Variants in RNF17 observed in about 807,000 individuals in gnomAD.
RNF17 encodes spermatogenesis associated 23.
RNF17 carries 31 observed loss-of-function variants against 200.5 expected under a neutral mutation model. The ratio of observed to expected loss-of-function variants is 0.15; its 90% CI spans 0.12 to 0.21. The LOEUF is 0.21. RNF17 is among the 10% of genes least tolerant of loss of function. The probability of loss-of-function intolerance (pLI) is 1.00; values close to 1 mark genes in which losing one functional copy is unlikely to be tolerated. For missense variants in RNF17, 1,628 were observed against 1,905.1 expected, an observed-to-expected ratio of 0.85 and a Z score of 2.71; for synonymous variants, 606 against 637.8, an observed-to-expected ratio of 0.95 and a Z score of 0.75.
chr13:24,788,305 G>T (rs2121250), intron 7 of RNF17, 146 bp downstream of exon 7: 1 of 520,506 alleles, frequency 1.9e-6, no homozygotes, highest in Non-Finnish European at 3.2e-6. Context: ...ATATAGGTTA[G>T]GATAGTCTAA....
intron 28 of RNF17, among the ~76,000 whole-genome samples, chr13:24,863,168 G>A (rs576291216): frequency 2.0e-5 from 3 of 152,168 alleles, no homozygotes; most frequent in Admixed American, 6.5e-5. Context: ...ATCATGATCT[G>A]TGTCCTCAAA....
At position 24,778,177 on chromosome 13, in the gene RNF17, G is replaced by A. The variant is rs1037469959; in HGVS notation, c.318-118G>A. ...CTTGGGAGACTGAGGTGGGATGATC[G>A]CTGGAGCCTGGGAAGTCGAGGCTGC... On this transcript the variant is annotated intron_variant, in intron 3 of 35. Transcript: ENST00000255324. 1.3e-5 allele frequency: 8 copies of A among 629,064 alleles called. No individual in the cohort carries two copies. In the African/African-American group the frequency reaches 1.5e-4, roughly 12 times the overall value. 39.0% of individuals were successfully genotyped at this position (629,064 alleles called of 1,614,324 possible). A position where few individuals can be genotyped will look rare whatever the true frequency, so the allele number is the denominator to read the frequency against.
At chr13:24,884,249 T>TAAAG, downstream of RNF17, 1 of 1,614,130 alleles carries the variant, frequency 6.2e-7, no homozygotes, top group Non-Finnish European at 8.5e-7. Context: ...AGTAGATCTG[T>TAAAG]AAAGACACAC....
Position 24,851,570 on chromosome 13 carries a change from A to T in RNF17, c.3319A>T (p.Arg1107Ter). Residue 1107 changes from arginine to a stop codon, truncating the protein, a stop_gained and splice_region_variant, in exon 24 of 36, where the codon AGA (arginine) becomes TGA (stop). Transcript: ENST00000255324. LOFTEE classifies it high-confidence loss of function. ...IKKGLALRER[R>*]INNLDNSHSL... ...AAAGGGTTTGGCTTTGAGAGAAAGG[A>T]GGTATAGACTTTTTTAAAAAATTTT... is the stretch of plus-strand genomic sequence containing the variant. 1 of 1,594,974 alleles carries T rather than the reference A, an allele frequency of 6.3e-7. No homozygotes were observed. The highest frequency in any genetic ancestry group is 8.5e-7 in the Non-Finnish European group (1 of 1,171,294).
At chr13:24,802,322 C>A in intron 13 of RNF17, 59 bp from the exon 14 acceptor site, 2 of 1,433,014 alleles carry the variant, frequency 1.4e-6, no homozygotes, top group South Asian at 1.3e-5. Context: ...AAATCCAGAA[C>A]ATTGTAACAT....
At chr13:24,883,951 A>C (rs1474588378), downstream of RNF17, 1 of 1,613,936 alleles carries the variant, frequency 6.2e-7, no homozygotes, top group East Asian at 2.2e-5. Context: ...TGTGAACATA[A>C]TGTTGCCATA....
At chr13:24,788,183 A>G in intron 7 of RNF17, 24 bp downstream of exon 7, 1 of 1,540,078 alleles carries the variant, frequency 6.5e-7, no homozygotes, top group Non-Finnish European at 8.7e-7. Context: ...TCACAATGTG[A>G]GTTATTTCTG....
intron 1 of RNF17, among the ~76,000 whole-genome samples, chr13:24,764,557 A>C (rs945850053): frequency 2.6e-5 from 4 of 152,198 alleles, no homozygotes; most frequent in African/African-American, 9.6e-5. Flanking sequence ...CCAATTACCC[A>C]TCCAGGCCTC....
chr13:24,851,064 G>A (rs533967272), intron 23 of RNF17, among the ~76,000 whole-genome samples: 4 of 152,192 alleles, frequency 2.6e-5, no homozygotes, highest in Admixed American at 6.5e-5. Context: ...GCGCGATCTC[G>A]GCTCACCGCA....
Position 24,854,105 on chromosome 13 carries a change from G to T in RNF17, c.3571G>T (p.Gly1191Cys), listed in dbSNP as rs150308174. Residue 1191 changes from glycine to cysteine, a missense_variant, in exon 25 of 36, where the codon GGT (glycine) becomes TGT (cysteine). By Grantham distance (159) the Gly-to-Cys change is radical. Transcript: ENST00000255324. Reference sequence around the variant, plus strand: ...ATTTGAGGCAACAGTCAGCTGTGTTGGTGATGATGGAACTATATTTGTAGT... The same window carrying T: ...ATTTGAGGCAACAGTCAGCTGTGTTTGTGATGATGGAACTATATTTGTAGT... ...NVFEATVSCV[G>C]DDGTIFVVPK... The T allele has an allele frequency of 2.8e-4, 452 of 1,613,838 alleles. 1 individual carries two copies. Among genetic ancestry groups the T allele is most frequent in the Non-Finnish European group, 2.4e-4 (281 of 1,179,802 alleles).
chr13:24,781,990 C>T lies in RNF17; in HGVS notation c.611+46C>T, dbSNP rs1031604854. 5 of 1,170,066 alleles carry T rather than the reference C, an allele frequency of 4.3e-6. No homozygotes were observed. The African/African-American group carries it at 4.6e-5, about 11-fold the overall frequency. 72.5% of individuals were successfully genotyped at this position (1,170,066 alleles called of 1,614,324 possible). A position where few individuals can be genotyped will look rare whatever the true frequency, so the allele number is the denominator to read the frequency against. On this transcript the variant is annotated intron_variant, in intron 6 of 35. Transcript: ENST00000255324. ...GACTCAATGAAACTGAAGTTTCTAA[C>T]ACTAACTTGTCATTGTATTCCTTTG...
the RNF17 span, among the ~76,000 whole-genome samples, chr13:24,753,660 G>C: frequency 6.6e-6 from 1 of 152,196 alleles, no homozygotes; most frequent in Admixed American, 6.5e-5. Flanking sequence ...TGGAGCAAAA[G>C]GTTGTGGATT....
downstream of RNF17, chr13:24,883,409 A>AAT: frequency 6.9e-7 from 1 of 1,439,340 alleles, no homozygotes. Context: ...TAAAAAAAAA[A>AAT]TAATAGAAAA....
At chr13:24,789,579 T>C in intron 8 of RNF17, 119 bp from the exon 9 acceptor site, 2 of 922,410 alleles carry the variant, frequency 2.2e-6, no homozygotes, top group Non-Finnish European at 3.4e-6. Context: ...TTGTGCTAAC[T>C]TAGAAAGTTA....
chr13:24,854,501 A>G (rs1181336283), intron 25 of RNF17, among the ~76,000 whole-genome samples: 4 of 151,760 alleles, frequency 2.6e-5, no homozygotes, highest in African/African-American at 7.3e-5. Flanking sequence ...CTGAGTTGGC[A>G]TTAAAGTAAA....
chr13:24,846,876 C>T (rs2138175050), intron 22 of RNF17, among the ~76,000 whole-genome samples: 1 of 152,308 alleles, frequency 6.6e-6, no homozygotes, highest in African/African-American at 2.4e-5. Context: ...GACATATACA[C>T]ATGCACACAC....
At chr13:24,764,385 G>C in intron 1 of RNF17, 52 bp downstream of exon 1, 4 of 1,515,526 alleles carry the variant, frequency 2.6e-6, no homozygotes, top group Non-Finnish European at 3.6e-6. Flanking sequence ...AGGGAGCGCT[G>C]GGGGCCAGGT....
At chr13:24,861,423 A>G in intron 27 of RNF17, 36 bp downstream of exon 27, 1 of 1,327,154 alleles carries the variant, frequency 7.5e-7, no homozygotes, top group Non-Finnish European at 1.0e-6. Context: ...GATTAATTTT[A>G]AATATTAGTT....
At chr13:24,865,934 T>A (rs1398932177) in intron 29 of RNF17, among the ~76,000 whole-genome samples, 2 of 152,220 alleles carry the variant, frequency 1.3e-5, no homozygotes, top group African/African-American at 4.8e-5. Context: ...TGAATTAGCT[T>A]TGACATGTGT....
Sources: allele counts gnomAD v4.1 joint callset (sites outside exome capture counted in the v4.1 genomes callset), GRCh38; gene constraint gnomAD v4.1.1; transcripts MANE v1.5; gene names NCBI Gene and HGNC (gene_info 2026-07-23, HGNC 2026-07-21).